The following BRF1 variants were observed in gnomAD, a reference collection of about 807,000 sequenced individuals.
The protein encoded by BRF1 is transcription factor IIIB 90 kDa subunit.
BRF1 carries 59 observed loss-of-function variants against 81.7 expected under a neutral mutation model. That is an observed-to-expected ratio of 0.72 (90% CI 0.59 to 0.90). BRF1 has a LOEUF of 0.90. Ranked by LOEUF, BRF1 falls within the 40% of genes least tolerant of loss-of-function variation. The pLI is 0.00. For synonymous variants in BRF1, 491 were observed against 395.6 expected, an observed-to-expected ratio of 1.24 and a Z score of -2.86; for missense variants, 1,050 against 936.3, an observed-to-expected ratio of 1.12 and a Z score of -1.58.
At chr14:105,251,092 C>T (rs1424773489) in intron 5 of BRF1, 1 of 207,082 alleles carries the variant, frequency 4.8e-6, no homozygotes, top group East Asian at 1.2e-4. Flanking sequence ...CCTAAAATAA[C>T]ACCCACGTGT....
chr14:105,260,950 A>G (rs1487089003), intron 3 of BRF1, among the ~76,000 whole-genome samples: 1 of 152,214 alleles, frequency 6.6e-6, no homozygotes, highest in Non-Finnish European at 1.5e-5. Context: ...CAGGTCCCCC[A>G]GCTAATGAGC....
intron 7 of BRF1, 98 bp from the exon 8 acceptor site, chr14:105,226,858 C>G (rs1245209207): frequency 6.3e-7 from 1 of 1,579,076 alleles, no homozygotes; most frequent in African/African-American, 1.4e-5. Context: ...CCTGTGATCC[C>G]AGTGCTTTGG....
chr14:105,302,943 CTT>C (rs60827892), upstream of BRF1, among the ~76,000 whole-genome samples: 16 of 146,772 alleles, frequency 1.1e-4, no homozygotes, highest in African/African-American at 7.4e-5. Context: ...TTCTCTAGTT[CTT>C]TTTTTTTTTT....
In BRF1 at chr14:105,297,344, G is replaced by A. The variant is rs950164846; in HGVS notation, c.184+3102C>T. On this transcript the variant is annotated intron_variant, in intron 1 of 17. Transcript: ENST00000547530. ...AGCACTTTGGGAGGCCGAAGAGGGC[G>A]GATCACGAGGTCAGGAGTTCGAGAC... Among the ~76,000 whole-genome samples the A allele has an allele frequency of 7.9e-5, 12 of 151,034 alleles. 1 individual carries two copies. Among genetic ancestry groups the A allele is most frequent in the East Asian group, 4.0e-4 (2 of 5,018 alleles).
At chr14:105,248,508 A>T in intron 5 of BRF1, 1 of 973,866 alleles carries the variant, frequency 1.0e-6, no homozygotes, top group African/African-American at 1.8e-5. Flanking sequence ...CGAGGCAGCG[A>T]CGTCGCGCGG....
At chr14:105,226,608 C>T (rs1423058254) in intron 8 of BRF1, 26 bp downstream of exon 8, 2 of 1,612,418 alleles carry the variant, frequency 1.2e-6, no homozygotes, top group South Asian at 2.2e-5. Context: ...AAGCCCAGCA[C>T]AGACAGACAC....
chr14:105,295,957 T>C (rs2057722312), intron 1 of BRF1, among the ~76,000 whole-genome samples: 2 of 151,264 alleles, frequency 1.3e-5, no homozygotes, highest in Non-Finnish European at 2.9e-5. Context: ...TGGGCTCCTA[T>C]GTAATCCCAG....
intron 14 of BRF1, 111 bp downstream of exon 14, chr14:105,218,887 C>T (rs958587992): frequency 2.7e-6 from 4 of 1,491,414 alleles, no homozygotes; most frequent in African/African-American, 2.8e-5. Context: ...CGGCTGCCTG[C>T]CCTGGGGCCT....
chr14:105,294,683 A>T (rs1454511832), intron 1 of BRF1, among the ~76,000 whole-genome samples: 2 of 152,188 alleles, frequency 1.3e-5, no homozygotes, highest in Non-Finnish European at 2.9e-5. Context: ...AAGATCAAAA[A>T]CACGGATCAA....
At chr14:105,240,852 C>G (rs1329601546) in intron 6 of BRF1, among the ~76,000 whole-genome samples, 1 of 132,362 alleles carries the variant, frequency 7.6e-6, no homozygotes, top group Non-Finnish European at 1.6e-5. Context: ...CGTAGTCGCC[C>G]AGCTGGGGGC....
intron 1 of BRF1, among the ~76,000 whole-genome samples, chr14:105,292,352 T>C (rs2057552048): frequency 6.6e-6 from 1 of 152,030 alleles, no homozygotes; most frequent in African/African-American, 2.4e-5. Flanking sequence ...CCCAGCTAAT[T>C]TTTGTATTTT....
chr14:105,250,758 C>T, intron 5 of BRF1: 1 of 1,365,344 alleles, frequency 7.3e-7, no homozygotes, highest in Non-Finnish European at 1.0e-6. Context: ...TGAAAGGCTG[C>T]TCTTAACTTT....
chr14:105,286,443 A>C, intron 1 of BRF1, 67 bp from the exon 2 acceptor site: 1 of 1,472,898 alleles, frequency 6.8e-7, no homozygotes, highest in Non-Finnish European at 9.3e-7. Context: ...CTTTCCTAAC[A>C]TCCACAGACA....
At chr14:105,258,361 C>T (rs907863741) in intron 3 of BRF1, among the ~76,000 whole-genome samples, 2 of 151,702 alleles carry the variant, frequency 1.3e-5, no homozygotes, top group Non-Finnish European at 2.9e-5. Context: ...TGTTGGCGGG[C>T]ACCTGTAGTC....
rs1407994168 is a variant in BRF1 at position 105,217,488 on chromosome 14, GCCTCTGCCCGCCCTGGGCTGCTGC to G, written c.1772+32_1772+55del. The stretch of plus-strand genomic sequence containing the variant: ...GCAGCTCCAGGACCCGAAGCCATGG[GCCTCTGCCCGCCCTGGGCTGCTGC>G]CCTAACCCAGCCACTCAGGACAGGA... On this transcript the variant is annotated intron_variant, in intron 15 of 17. Transcript: ENST00000547530. The G allele has an allele frequency of 3.8e-6, 6 of 1,584,182 alleles. No individual in the cohort carries two copies. The Admixed American group carries it at 1.0e-4, about 27-fold the overall frequency.
intron 3 of BRF1, among the ~76,000 whole-genome samples, chr14:105,265,108 G>C (rs2140365079): frequency 7.0e-6 from 1 of 143,608 alleles, no homozygotes; most frequent in Non-Finnish European, 1.5e-5. Context: ...CTGTCGCCCA[G>C]GCTGGAATGC....
intron 15 of BRF1, among the ~76,000 whole-genome samples, chr14:105,215,710 G>GCA (rs942757040): frequency 1.2e-5 from 1 of 80,002 alleles, no homozygotes; most frequent in Non-Finnish European, 2.3e-5. Context: ...ATGCACACAG[G>GCA]CACACACACA....
chr14:105,228,637 G>C (rs969544950), intron 7 of BRF1, among the ~76,000 whole-genome samples, 183 bp downstream of exon 7: 2 of 152,132 alleles, frequency 1.3e-5, no homozygotes, highest in Non-Finnish European at 2.9e-5. Context: ...TCTCTGGAGG[G>C]AGGCGAGGCA....
At chr14:105,256,446 G>A (rs372377195) in intron 4 of BRF1, 72 bp downstream of exon 4, 37 of 1,613,682 alleles carry the variant, frequency 2.3e-5, no homozygotes, top group East Asian at 1.1e-4. Context: ...GGTACACCCC[G>A]GTCACAACCC....
Sources: gnomAD v4.1 joint callset for allele counts (sites outside exome capture counted in the v4.1 genomes callset) on GRCh38, gnomAD v4.1.1 for gene constraint, MANE v1.5 for transcripts, NCBI Gene and HGNC (gene_info 2026-07-23, HGNC 2026-07-21) for gene names.